Variants in LIMCH1 observed in about 807,000 individuals in gnomAD.
LIMCH1 encodes LIM and calponin homology domains-containing protein 1.
A neutral mutation model predicts 176.5 loss-of-function variants in LIMCH1; 113 were observed. The ratio of observed to expected loss-of-function variants is 0.64; its 90% CI spans 0.55 to 0.75. The LOEUF (loss-of-function observed/expected upper bound fraction) is 0.75. Among genes scored for constraint, LIMCH1 ranks in the 30% least tolerant of loss-of-function variants. LIMCH1 has a pLI of 0.00. For synonymous variants in LIMCH1, 619 were observed against 645.9 expected (o/e 0.96, Z 0.63); for missense variants, 1,674 against 1,814.9 (o/e 0.92, Z 1.41).
chr4:41,494,504 C>T, intron 1 of LIMCH1: 1 of 1,562,278 alleles, frequency 6.4e-7, no homozygotes, highest in Non-Finnish European at 8.8e-7. Context: ...AAAAGAAAAA[C>T]TTATGTGCTC....
At chr4:41,656,386 A>T (rs1223582925) in intron 18 of LIMCH1, among the ~76,000 whole-genome samples, 2 of 152,184 alleles carry the variant, frequency 1.3e-5, no homozygotes, top group Non-Finnish European at 2.9e-5. Context: ...AGATTGCTAG[A>T]TTTAATGATT....
At chr4:41,369,344 C>T (rs1455144169) in intron 1 of LIMCH1, among the ~76,000 whole-genome samples, 2 of 152,120 alleles carry the variant, frequency 1.3e-5, no homozygotes, top group African/African-American at 4.8e-5. Context: ...ATTTTATTGC[C>T]CAGAACTTCA....
chr4:41,549,796 A>G (rs6447091), intron 1 of LIMCH1, among the ~76,000 whole-genome samples: 16,994 of 152,134 alleles, frequency 0.11, 1,215 homozygotes, highest in African/African-American at 0.18. Context: ...TTTTAAGCAT[A>G]TAAGATAGAA....
At chr4:41,656,071 T>C (rs2094456088) in intron 18 of LIMCH1, among the ~76,000 whole-genome samples, 1 of 152,214 alleles carries the variant, frequency 6.6e-6, no homozygotes, top group Admixed American at 6.5e-5. Context: ...CAAACTCACC[T>C]ATTGGGTATC....
In LIMCH1 at chr4:41,489,661, CT is replaced by C. The variant is rs536444461; in HGVS notation, c.97-4867del. Among the ~76,000 whole-genome samples the C allele has an allele frequency of 3.9e-3, 593 of 151,428 alleles. 2 individuals carry two copies. Among genetic ancestry groups the C allele is most frequent in the African/African-American group, 0.013 (542 of 41,322 alleles). On this transcript the variant is annotated intron_variant, in intron 1 of 26. Transcript: ENST00000313860. ...TCAGATAACATATTTTGTATGAATT[CT>C]TTTTTTTATTTTTTTATTTTTTAAA...
At chr4:41,488,485 C>G (rs1489846729) in intron 1 of LIMCH1, among the ~76,000 whole-genome samples, 2 of 152,118 alleles carry the variant, frequency 1.3e-5, no homozygotes, top group Admixed American at 1.3e-4. Flanking sequence ...CATTTTCTTA[C>G]CCTCCCTCAA....
intron 1 of LIMCH1, among the ~76,000 whole-genome samples, chr4:41,400,836 C>G (rs1363046504): frequency 2.0e-5 from 3 of 152,046 alleles, no homozygotes; most frequent in African/African-American, 7.2e-5. Flanking sequence ...AATTTCATAG[C>G]CAAATATATT....
chr4:41,662,792 G>T, intron 19 of LIMCH1, 29 bp from the exon 20 acceptor site: 1 of 1,548,326 alleles, frequency 6.5e-7, no homozygotes, highest in Non-Finnish European at 8.7e-7. Context: ...TTTTCCTTCT[G>T]TACGTTTCTG....
intron 2 of LIMCH1, among the ~76,000 whole-genome samples, chr4:41,523,995 T>C (rs144939389): frequency 3.1e-4 from 47 of 152,352 alleles, no homozygotes; most frequent in African/African-American, 1.1e-3. Flanking sequence ...TTTGTAAAGA[T>C]AGAAACTGGT....
rs116527323 is a variant in LIMCH1, at chr4:41,482,206, A to C, written c.97-12330A>C. Among the ~76,000 whole-genome samples, 994 of 152,282 alleles carry C rather than the reference A, an allele frequency of 6.5e-3. 12 individuals carry two copies. The highest frequency in any genetic ancestry group is 0.022 in the African/African-American group (933 of 41,558). ...AGGTACCCAAGTAGAGATGTTGACTAAGAAATTGGATACTTGATTCTGGAC... is the reference window on the plus strand; with the variant it reads ...AGGTACCCAAGTAGAGATGTTGACTCAGAAATTGGATACTTGATTCTGGAC... On this transcript the variant is annotated intron_variant, in intron 1 of 26. Transcript: ENST00000313860.
intron 2 of LIMCH1, among the ~76,000 whole-genome samples, chr4:41,500,223 GA>G (rs1359192359): frequency 2.0e-5 from 3 of 152,206 alleles, no homozygotes; most frequent in Non-Finnish European, 4.4e-5. Context: ...GATATCCCCA[GA>G]TCTTTCATCC....
intron 1 of LIMCH1, among the ~76,000 whole-genome samples, chr4:41,544,163 C>A (rs527786136): frequency 2.6e-5 from 4 of 151,612 alleles, no homozygotes; most frequent in African/African-American, 9.7e-5. Context: ...TTGTAATGGG[C>A]CAACTGAAAG....
At chr4:41,514,256 A>G (rs991883747) in intron 2 of LIMCH1, among the ~76,000 whole-genome samples, 4 of 152,124 alleles carry the variant, frequency 2.6e-5, no homozygotes, top group Non-Finnish European at 5.9e-5. Context: ...TGCCTGATGA[A>G]GAAGCCAGAT....
upstream of LIMCH1, chr4:41,538,100 C>T: frequency 1.1e-6 from 1 of 913,962 alleles, no homozygotes. Context: ...GGCTTCTCCG[C>T]CTCCCTCTCC....
intron 1 of LIMCH1, among the ~76,000 whole-genome samples, chr4:41,400,865 G>A (rs925724257): frequency 1.3e-4 from 20 of 152,072 alleles, no homozygotes; most frequent in African/African-American, 4.6e-4. Flanking sequence ...CTTGGAGCCC[G>A]CTTTTTGTTT....
Position 41,446,028 on chromosome 4 carries a change from G to A in LIMCH1, c.97-48508G>A, listed in dbSNP as rs546285985. The stretch of plus-strand genomic sequence containing the variant: ...GAACGAAGTTTCCCTAAAGGATTAC[G>A]GTCTGAAGCCTCAGTACATTGGGTA... On this transcript the variant is annotated intron_variant, in intron 1 of 26. Transcript: ENST00000313860. Among the ~76,000 whole-genome samples the A allele has an allele frequency of 3.3e-5, 5 of 152,240 alleles. No homozygotes were observed. The East Asian group carries it at 9.6e-4, about 29-fold the overall frequency.
At chr4:41,551,882 T>C (rs2080484589) in intron 1 of LIMCH1, among the ~76,000 whole-genome samples, 1 of 152,164 alleles carries the variant, frequency 6.6e-6, no homozygotes, top group African/African-American at 2.4e-5. Context: ...AGTTTACCAA[T>C]TCCTGTTATA....
upstream of LIMCH1, among the ~76,000 whole-genome samples, chr4:41,537,002 A>T (rs983989214): frequency 2.0e-5 from 3 of 152,248 alleles, no homozygotes; most frequent in Non-Finnish European, 4.4e-5. Context: ...TTATCTTTGT[A>T]GCTTTCTATA....
At chr4:41,584,567 A>G (rs2086107462) in intron 1 of LIMCH1, among the ~76,000 whole-genome samples, 3 of 152,216 alleles carry the variant, frequency 2.0e-5, no homozygotes, top group Admixed American at 2.0e-4. Context: ...TCTAAACATT[A>G]TGAACTCTCA....
Sources: gnomAD v4.1 joint callset for allele counts (sites outside exome capture counted in the v4.1 genomes callset) on GRCh38, gnomAD v4.1.1 for gene constraint, MANE v1.5 for transcripts, NCBI Gene and HGNC (gene_info 2026-07-23, HGNC 2026-07-21) for gene names.